The following KIRREL3 variants were observed in gnomAD, a reference collection of about 807,000 sequenced individuals.
The protein encoded by KIRREL3 is kirre like nephrin family adhesion molecule 3.
KIRREL3 carries 36 observed loss-of-function variants against 89.7 expected under a neutral mutation model. The ratio of observed to expected loss-of-function variants is 0.40; its 90% CI spans 0.31 to 0.53. The LOEUF (loss-of-function observed/expected upper bound fraction) is 0.53. Among genes scored for constraint, KIRREL3 ranks in the 20% least tolerant of loss-of-function variants. KIRREL3 has a pLI of 0.49. For synonymous variants in KIRREL3, 445 were observed against 441.4 expected (o/e 1.01, Z -0.10); for missense variants, 864 against 1,056.6 (o/e 0.82, Z 2.53).
intron 5 of KIRREL3, among the ~76,000 whole-genome samples, chr11:126,465,272 A>C (rs891381078): frequency 1.3e-5 from 2 of 152,156 alleles, no homozygotes; most frequent in African/African-American, 4.8e-5. Flanking sequence ...TCTAATTCTT[A>C]TGAGGGCCCC....
chr11:126,874,888 T>C (rs1433270878), intron 1 of KIRREL3, among the ~76,000 whole-genome samples: 3 of 152,096 alleles, frequency 2.0e-5, no homozygotes, highest in Non-Finnish European at 2.9e-5. Flanking sequence ...CATACAGGCC[T>C]AGAGAGGTGG....
intron 1 of KIRREL3, among the ~76,000 whole-genome samples, chr11:126,784,398 C>A (rs1950419075): frequency 6.6e-6 from 1 of 152,132 alleles, no homozygotes. Context: ...AAAAGGTTAG[C>A]TTTTAAAAGG....
intron 2 of KIRREL3, among the ~76,000 whole-genome samples, chr11:126,545,889 C>A (rs1938778445): frequency 6.6e-6 from 1 of 152,276 alleles, no homozygotes; most frequent in East Asian, 1.9e-4. Context: ...GAGGCAAGGG[C>A]CATTTAATGT....
chr11:126,857,489 T>G (rs1368106940), intron 1 of KIRREL3, among the ~76,000 whole-genome samples: 1 of 152,164 alleles, frequency 6.6e-6, no homozygotes, highest in Non-Finnish European at 1.5e-5. Context: ...GGACTTTACT[T>G]AAAATCACAC....
rs1457574565 is a variant in KIRREL3 at position 126,656,142 on chromosome 11, C to T, written c.56-93230G>A. 6.6e-6 allele frequency: 3 copies of T among 456,154 alleles called. No homozygotes were observed. Among genetic ancestry groups the T allele is most frequent in the South Asian group, 4.6e-5 (3 of 64,550 alleles). 28.3% of individuals were successfully genotyped at this position (456,154 alleles called of 1,614,324 possible). A position where few individuals can be genotyped will look rare whatever the true frequency, so the allele number is the denominator to read the frequency against. On this transcript the variant is annotated intron_variant, in intron 1 of 16. Coordinates refer to ENST00000525144, the MANE Select transcript of KIRREL3 (RefSeq NM_032531.4). This position sits in a 1 kb window ranked among gnomAD's most constrained non-coding sequence, Gnocchi z 4.0. ...CTAGTGCTGTCTCGGGAACCAGCAA[C>T]ACAGATGTTCCCAGGAGCAATGTTT...
chr11:126,597,443 G>C (rs762279296), intron 1 of KIRREL3, among the ~76,000 whole-genome samples: 7 of 152,198 alleles, frequency 4.6e-5, no homozygotes, highest in African/African-American at 9.7e-5. Context: ...TCTTCTTTAA[G>C]GCCAATATGA....
intron 1 of KIRREL3, among the ~76,000 whole-genome samples, chr11:126,855,497 C>A (rs1944477369): frequency 6.6e-6 from 1 of 152,310 alleles, no homozygotes; most frequent in South Asian, 2.1e-4. Flanking sequence ...ATAAATTACC[C>A]AGTCTCAGGT....
rs74961396 is a variant in KIRREL3 at position 126,764,163 on chromosome 11, A to G, written c.56-201251T>C. On this transcript the variant is annotated intron_variant, in intron 1 of 16. Transcript: ENST00000525144. This position sits in a 1 kb window ranked among gnomAD's most constrained non-coding sequence, Gnocchi z 4.2. ...TGCTAACTTTTCCCCTGTCTAACCCACTCACCCACATACCCTGGGGCAAAA... is the reference window on the plus strand; with the variant it reads ...TGCTAACTTTTCCCCTGTCTAACCCGCTCACCCACATACCCTGGGGCAAAA... Among the ~76,000 whole-genome samples the G allele has an allele frequency of 5.8e-3, 889 of 152,032 alleles. 5 individuals carry two copies. Among genetic ancestry groups the G allele is most frequent in the African/African-American group, 0.019 (807 of 41,446 alleles).
At chr11:126,916,678 A>G (rs1947054252) in intron 1 of KIRREL3, among the ~76,000 whole-genome samples, 1 of 151,898 alleles carries the variant, frequency 6.6e-6, no homozygotes. Context: ...ACGGGACAGG[A>G]AGTTCCAACC....
At chr11:126,425,553 T>G in intron 16 of KIRREL3, 85 bp downstream of exon 16, 10 of 1,185,558 alleles carry the variant, frequency 8.4e-6, no homozygotes, top group South Asian at 1.3e-5. Context: ...CTTGCTGTCA[T>G]TTGTTGTATA....
Position 126,694,143 on chromosome 11 carries a change from G to GT in KIRREL3, c.56-131232dup, listed in dbSNP as rs962310092. Among the ~76,000 whole-genome samples, 10 of 152,072 alleles carry GT rather than the reference G, an allele frequency of 6.6e-5. No individual in the cohort carries two copies. Among genetic ancestry groups the GT allele is most frequent in the African/African-American group, 2.2e-4 (9 of 41,396 alleles). The stretch of plus-strand genomic sequence containing the variant: ...CTCCATCCCTAAGGGAGCCACATTC[G>GT]TTTTTTTTCCTTTCAAAGTCGTCAG... On this transcript the variant is annotated intron_variant, in intron 1 of 16. Transcript: ENST00000525144. The surrounding 1 kb of genome is among the most constrained non-coding windows in gnomAD (Gnocchi z 4.4).
rs1052251022 is a variant in KIRREL3, at chr11:126,897,909, C to T, written c.55+102546G>A. Among the ~76,000 whole-genome samples, 2 of 152,184 alleles carry T rather than the reference C, an allele frequency of 1.3e-5. No individual in the cohort carries two copies. Among genetic ancestry groups the T allele is most frequent in the Non-Finnish European group, 2.9e-5 (2 of 68,030 alleles). On this transcript the variant is annotated intron_variant, in intron 1 of 16. Transcript: ENST00000525144. The surrounding 1 kb of genome is among the most constrained non-coding windows in gnomAD (Gnocchi z 4.2). ...ATGGCACCTCGAGTTGCTGCTGGGA[C>T]TGCAGAGGACACATCATTCTGCCTC...
Position 126,622,086 on chromosome 11 carries a change from C to T in KIRREL3, c.56-59174G>A, listed in dbSNP as rs112284199. On this transcript the variant is annotated intron_variant, in intron 1 of 16. Transcript: ENST00000525144. This position sits in a 1 kb window ranked among gnomAD's most constrained non-coding sequence, Gnocchi z 5.2. ...GGTGGGTGTGGTAATGGGGCATTGC[C>T]ACAGATTAGGTATCTCATTTGTGTC... Among the ~76,000 whole-genome samples the T allele has an allele frequency of 6.6e-6, 1 of 152,058 alleles. No individual in the cohort carries two copies. Among genetic ancestry groups the T allele is most frequent in the African/African-American group, 2.4e-5 (1 of 41,386 alleles).
intron 11 of KIRREL3, among the ~76,000 whole-genome samples, chr11:126,437,400 AAC>A (rs1955395134): frequency 6.6e-6 from 1 of 152,254 alleles, no homozygotes; most frequent in South Asian, 2.1e-4. Context: ...CACCCACTAT[AAC>A]ACACACATCA....
rs1281546031 is a variant in KIRREL3 at position 126,622,589 on chromosome 11, T to TGAGGCAGAAGAATCACTTGAACCCTG, written c.56-59703_56-59678dup. 6.6e-6 allele frequency among the ~76,000 whole-genome samples: 1 copy of TGAGGCAGAAGAATCACTTGAACCCTG among 152,180 alleles called. No individual in the cohort carries two copies. Among genetic ancestry groups the TGAGGCAGAAGAATCACTTGAACCCTG allele is most frequent in the African/African-American group, 2.4e-5 (1 of 41,446 alleles). On this transcript the variant is annotated intron_variant, in intron 1 of 16. Transcript: ENST00000525144. This position sits in a 1 kb window ranked among gnomAD's most constrained non-coding sequence, Gnocchi z 5.2. ...CTGTAATCCCAGCTACTCAGGAGGC[T>TGAGGCAGAAGAATCACTTGAACCCTG]GAGGCAGAAGAATCACTTGAACCCT...
chr11:126,991,450 C>T lies in KIRREL3; in HGVS notation c.55+9005G>A, dbSNP rs1950032669. Among the ~76,000 whole-genome samples, 1 of 151,348 alleles carries T rather than the reference C, an allele frequency of 6.6e-6. No individual in the cohort carries two copies. The highest frequency in any genetic ancestry group is 6.6e-5 in the Admixed American group (1 of 15,200). ...TCAACCAATTAAGAGAAGCAAAGTC[C>T]CTGCCTTTGCTTCCTTCCTTTTTAT... On this transcript the variant is annotated intron_variant, in intron 1 of 16. Coordinates refer to ENST00000525144, the MANE Select transcript of KIRREL3 (RefSeq NM_032531.4). The surrounding 1 kb of genome is among the most constrained non-coding windows in gnomAD (Gnocchi z 5.8).
rs916450875 is a variant in KIRREL3 at position 126,977,308 on chromosome 11, T to A, written c.55+23147A>T. 3.9e-5 allele frequency among the ~76,000 whole-genome samples: 6 copies of A among 152,172 alleles called. No homozygotes were observed. The highest frequency in any genetic ancestry group is 5.9e-5 in the Non-Finnish European group (4 of 68,032). On this transcript the variant is annotated intron_variant, in intron 1 of 16. Coordinates refer to ENST00000525144, the MANE Select transcript of KIRREL3 (RefSeq NM_032531.4). This position sits in a 1 kb window ranked among gnomAD's most constrained non-coding sequence, Gnocchi z 4.7. ...TTCTTCGGATGCTGCCGCCCTTTCC[T>A]TCTTCATCAGGATCATTCGTTTGGT...
rs12789916 is a variant in KIRREL3 at position 126,455,822 on chromosome 11, A to C, written c.848+527T>G. On this transcript the variant is annotated intron_variant, in intron 7 of 16. Transcript: ENST00000525144. The surrounding 1 kb of genome is among the most constrained non-coding windows in gnomAD (Gnocchi z 6.4). ...AAAACAAACAAAGAAACAAACAAAC[A>C]AACAAACCAACAAACCAAACAGTGG... is the stretch of plus-strand genomic sequence containing the variant. Among the ~76,000 whole-genome samples, 43,327 of 151,360 alleles carry C rather than the reference A, an allele frequency of 0.29. 6,513 individuals carry two copies. Among genetic ancestry groups the C allele is most frequent in the Admixed American group, 0.33 (5,048 of 15,196 alleles).
intron 1 of KIRREL3, among the ~76,000 whole-genome samples, chr11:126,625,683 C>A (rs1021524244): frequency 6.6e-6 from 1 of 152,168 alleles, no homozygotes; most frequent in Non-Finnish European, 1.5e-5. Flanking sequence ...CCACTTTATG[C>A]TCTTTGCCCC....
Sources: gnomAD v4.1 joint callset for allele counts (sites outside exome capture counted in the v4.1 genomes callset) on GRCh38, gnomAD v4.1.1 for gene constraint, Gnocchi (gnomAD v3.1) non-coding constraint, MANE v1.5 for transcripts, NCBI Gene and HGNC (gene_info 2026-07-23, HGNC 2026-07-21) for gene names.